Variants in PDE4B observed in about 807,000 individuals in gnomAD.
PDE4B encodes phosphodiesterase 4B.
In PDE4B, 20 loss-of-function variants were observed where a neutral mutation model predicts 82.2. The ratio of observed to expected loss-of-function variants is 0.24; its 90% CI spans 0.17 to 0.35. PDE4B has a LOEUF of 0.35. PDE4B is among the 10% of genes least tolerant of loss of function. PDE4B has a pLI of 1.00. For missense variants in PDE4B, 655 were observed against 907.2 expected, an observed-to-expected ratio of 0.72 and a Z score of 3.57; for synonymous variants, 320 against 318.9, an observed-to-expected ratio of 1.00 and a Z score of -0.04.
intron 3 of PDE4B, among the ~76,000 whole-genome samples, chr1:66,084,707 C>T (rs1319484514): frequency 6.6e-6 from 1 of 152,016 alleles, no homozygotes; most frequent in East Asian, 1.9e-4. Flanking sequence ...GTAGGTCTGG[C>T]CTGCTTTTAG....
At chr1:65,804,659 A>G (rs1201414882) in intron 1 of PDE4B, among the ~76,000 whole-genome samples, 1 of 152,100 alleles carries the variant, frequency 6.6e-6, no homozygotes, top group African/African-American at 2.4e-5. Context: ...GCCAAACACC[A>G]CTAGAGGTCC....
At chr1:66,109,734 G>A (rs1252710703) in intron 3 of PDE4B, among the ~76,000 whole-genome samples, 2 of 151,756 alleles carry the variant, frequency 1.3e-5, no homozygotes, top group Non-Finnish European at 2.9e-5. Flanking sequence ...ACATGTATAT[G>A]TTTGTTACAT....
intron 3 of PDE4B, among the ~76,000 whole-genome samples, chr1:66,135,225 G>A (rs1646032562): frequency 6.6e-6 from 1 of 152,174 alleles, no homozygotes; most frequent in Non-Finnish European, 1.5e-5. Flanking sequence ...AATATAGGCA[G>A]GTAGTTAAAG....
At chr1:65,809,229 G>T (rs11807220) in intron 1 of PDE4B, among the ~76,000 whole-genome samples, 27,110 of 150,478 alleles carry the variant, frequency 0.18, 3,998 homozygotes, top group African/African-American at 0.41. Context: ...TACTTGGGAG[G>T]CTTAAGCAGG....
intron 3 of PDE4B, among the ~76,000 whole-genome samples, chr1:66,184,356 C>T (rs138269477): frequency 5.9e-5 from 9 of 152,238 alleles, no homozygotes; most frequent in African/African-American, 2.2e-4. Flanking sequence ...ATTTATTGAG[C>T]ATCTATTATC....
chr1:66,036,436 T>A (rs182573054), intron 3 of PDE4B, among the ~76,000 whole-genome samples: 1 of 152,296 alleles, frequency 6.6e-6, no homozygotes, highest in Admixed American at 6.5e-5. Flanking sequence ...TACTTTTTAG[T>A]AGTTTTACAG....
At chr1:65,834,055 GT>G in intron 1 of PDE4B, among the ~76,000 whole-genome samples, 1 of 151,928 alleles carries the variant, frequency 6.6e-6, no homozygotes, top group East Asian at 1.9e-4. Flanking sequence ...TTCGTTCTCT[GT>G]TTTTTTGAGA....
At chr1:66,199,067 A>T (rs941928290) in intron 3 of PDE4B, among the ~76,000 whole-genome samples, 1 of 151,734 alleles carries the variant, frequency 6.6e-6, no homozygotes, top group African/African-American at 2.4e-5. Flanking sequence ...GCTGCAATAA[A>T]CATACGTGTG....
At chr1:65,987,655 T>C (rs1651024089) in intron 3 of PDE4B, among the ~76,000 whole-genome samples, 1 of 152,172 alleles carries the variant, frequency 6.6e-6, no homozygotes, top group Non-Finnish European at 1.5e-5. Flanking sequence ...GTTGTCTGCC[T>C]GGGCTGGAGT....
chr1:66,286,360 C>A (rs2101797747), intron 7 of PDE4B, among the ~76,000 whole-genome samples: 1 of 152,242 alleles, frequency 6.6e-6, no homozygotes, highest in South Asian at 2.1e-4. Context: ...TTTTGAAATG[C>A]TATTAAAACT....
chr1:66,003,246 C>G lies in PDE4B; in HGVS notation c.281+84411C>G, dbSNP rs142656676. ...AATAATCATATCCTAATGAACCAAG[C>G]TAAATTATACTAAAATGCACTAATT... On this transcript the variant is annotated intron_variant, in intron 3 of 16. Coordinates refer to ENST00000341517, the MANE Select transcript of PDE4B (RefSeq NM_002600.4). Among the ~76,000 whole-genome samples, 215 of 152,066 alleles carry G rather than the reference C, an allele frequency of 1.4e-3. 1 individual carries two copies. The highest frequency in any genetic ancestry group is 2.6e-3 in the Non-Finnish European group (177 of 67,990).
In PDE4B at chr1:66,279,987, T is replaced by C. The variant is rs376175044; in HGVS notation, c.634+13900T>C. Among the ~76,000 whole-genome samples the C allele has an allele frequency of 6.6e-5, 10 of 152,164 alleles. No individual in the cohort carries two copies. In the East Asian group the frequency reaches 1.5e-3, roughly 23 times the overall value. ...GATTAAATAACAGGGCACTATAGAC[T>C]AGCCAAGTCAGCACATACAACTAAT... On this transcript the variant is annotated intron_variant, in intron 7 of 16. Transcript: ENST00000341517.
In PDE4B at chr1:66,315,913, G is replaced by A. The variant is rs147466362; in HGVS notation, c.635-16595G>A. Among the ~76,000 whole-genome samples, 21 of 152,252 alleles carry A rather than the reference G, an allele frequency of 1.4e-4. No individual in the cohort carries two copies. In the East Asian group the frequency reaches 3.7e-3, roughly 27 times the overall value. On this transcript the variant is annotated intron_variant, in intron 7 of 16. Transcript: ENST00000341517. ...ATTCAGAGTTTTCACTGAGGGCTTGGTTCTGAGCCTTGGCCACGTAAACCT... is the reference window on the plus strand; with the variant it reads ...ATTCAGAGTTTTCACTGAGGGCTTGATTCTGAGCCTTGGCCACGTAAACCT...
chr1:66,045,044 C>T (rs1399132113), intron 3 of PDE4B, among the ~76,000 whole-genome samples: 2 of 151,656 alleles, frequency 1.3e-5, no homozygotes, highest in African/African-American at 4.8e-5. Context: ...TGTATCTGAT[C>T]CTCTGCATTC....
At position 66,371,094 on chromosome 1, in the gene PDE4B, C is replaced by CTATATATATATATATATA. The variant is rs557320202; in HGVS notation, c.1846-1196_1846-1179dup. On this transcript the variant is annotated intron_variant, in intron 16 of 16. Coordinates refer to ENST00000341517, the MANE Select transcript of PDE4B (RefSeq NM_002600.4). Reference sequence around the variant, plus strand: ...TATATATATATACACACACATCATACTATATATATATATATATATATATAT... The same window carrying CTATATATATATATATATA: ...TATATATATATACACACACATCATACTATATATATATATATATATATATATATATATATATATATATAT... Among the ~76,000 whole-genome samples, 11 of 74,842 alleles carry CTATATATATATATATATA rather than the reference C, an allele frequency of 1.5e-4. No homozygotes were observed. The East Asian group carries it at 3.2e-3, about 21-fold the overall frequency. 49.1% of individuals were successfully genotyped at this position (74,842 alleles called of 152,430 possible).
At position 66,372,675 on chromosome 1, in the gene PDE4B, A is replaced by G; in HGVS notation, c.2208A>G (p.Thr736=). Reference sequence around the variant, plus strand: ...CAGAAGACAAGTCCCCCGTGGATACATAATCCCCCTCTCCCTGTGGAGATG... The same window carrying G: ...CAGAAGACAAGTCCCCCGTGGATACGTAATCCCCCTCTCCCTGTGGAGATG... ...IATEDKSPVD[T] Residue 736 remains threonine, a synonymous_variant, in exon 17 of 17, where the codon ACA becomes ACG. Transcript: ENST00000341517. The G allele has an allele frequency of 6.2e-7, 1 of 1,609,892 alleles. No homozygotes were observed. Among genetic ancestry groups the G allele is most frequent in the Non-Finnish European group, 8.5e-7 (1 of 1,177,408 alleles).
chr1:65,797,109 C>A (rs551776863), intron 1 of PDE4B, among the ~76,000 whole-genome samples: 1 of 152,006 alleles, frequency 6.6e-6, no homozygotes, highest in African/African-American at 2.4e-5. Flanking sequence ...CCCGCCACCA[C>A]GCCTGGCTAA....
At chr1:65,936,866 C>A (rs975166058) in intron 3 of PDE4B, among the ~76,000 whole-genome samples, 12 of 152,142 alleles carry the variant, frequency 7.9e-5, no homozygotes, top group Non-Finnish European at 1.3e-4. Context: ...AATCTGGGGG[C>A]AATTCTATGC....
chr1:66,018,017 A>G (rs1012591077), intron 3 of PDE4B, among the ~76,000 whole-genome samples: 1 of 152,184 alleles, frequency 6.6e-6, no homozygotes, highest in Non-Finnish European at 1.5e-5. Context: ...TGCACGGATC[A>G]TAGAGTTTTA....
Sources: gnomAD v4.1 joint callset for allele counts (sites outside exome capture counted in the v4.1 genomes callset) on GRCh38, gnomAD v4.1.1 for gene constraint, MANE v1.5 for transcripts, NCBI Gene and HGNC (gene_info 2026-07-23, HGNC 2026-07-21) for gene names.